CERS3: variants seen among roughly 807,000 people sequenced by gnomAD.
CERS3 encodes the protein LAG1 homolog, ceramide synthase 3.
Under a neutral mutation model 50.3 loss-of-function variants are expected in CERS3, and 33 were observed. The observed-to-expected ratio is 0.66, with a 90% confidence interval of 0.50 to 0.88. CERS3 has a LOEUF of 0.88. CERS3 is among the 40% of genes least tolerant of loss of function. The probability of loss-of-function intolerance (pLI) is 0.00; values close to 1 mark genes in which losing one functional copy is unlikely to be tolerated. For missense variants in CERS3, 470 were observed against 460.3 expected (o/e 1.02, Z -0.19); for synonymous variants, 176 against 155.2 (o/e 1.13, Z -0.99).
chr15:100,476,077 G>C lies in CERS3; in HGVS notation c.609+9C>G. 2 of 1,530,752 alleles carry C rather than the reference G, an allele frequency of 1.3e-6. No individual in the cohort carries two copies. Among genetic ancestry groups the C allele is most frequent in the Non-Finnish European group, 1.8e-6 (2 of 1,140,282 alleles). 94.8% of individuals were successfully genotyped at this position (1,530,752 alleles called of 1,614,324 possible). On this transcript the variant is annotated intron_variant, in intron 8 of 11. Coordinates refer to ENST00000679737, the MANE Select transcript of CERS3 (RefSeq NM_001378789.1). ...ATTGATAAAGAAGCTTTGTAAATAA[G>C]ACACTTACCTTTCTCTTGACATCAA...
chr15:100,470,323 G>A (rs2034924038), intron 9 of CERS3, among the ~76,000 whole-genome samples: 2 of 152,212 alleles, frequency 1.3e-5, no homozygotes, highest in Admixed American at 1.3e-4. Flanking sequence ...CAGAGCAAGA[G>A]AGGCAACACA....
In CERS3 at chr15:100,499,361, C is replaced by CCA. The variant is rs558377540; in HGVS notation, c.173+2314_173+2315dup. 6.1e-4 allele frequency among the ~76,000 whole-genome samples: 93 copies of CCA among 151,796 alleles called. No individual in the cohort carries two copies. The Middle Eastern group carries it at 0.014, about 22-fold the overall frequency. Reference sequence around the variant, plus strand: ...GACAAAATAAAAATCAAAACATTAGCCACACACACACACAAAAACAAAAAA... The same window carrying CCA: ...GACAAAATAAAAATCAAAACATTAGCCACACACACACACACAAAAACAAAAAA... On this transcript the variant is annotated intron_variant, in intron 3 of 11. Coordinates refer to ENST00000679737, the MANE Select transcript of CERS3 (RefSeq NM_001378789.1).
intron 3 of CERS3, among the ~76,000 whole-genome samples, chr15:100,495,958 A>G (rs1193390480): frequency 6.6e-6 from 1 of 151,998 alleles, no homozygotes; most frequent in Non-Finnish European, 1.5e-5. Flanking sequence ...CCAGGCAACC[A>G]CTCATCTATT....
At position 100,484,572 on chromosome 15, in the gene CERS3, G is replaced by A; in HGVS notation, c.385C>T (p.Leu129=). 6.2e-7 allele frequency: 1 copy of A among 1,613,386 alleles called. No individual in the cohort carries two copies. The highest frequency in any genetic ancestry group is 2.2e-5 in the East Asian group (1 of 44,872). The change falls in exon 5 of 12, where the codon CTG becomes TTG. Residue 129 remains leucine (L), a synonymous_variant. Transcript: ENST00000679737. The part of the protein sequence containing the change: ...SRRNQERPSR[L]KKFQEACWRF... ...TACCAAGCTTCCTGGAATTTCTTCA[G>A]CCTGGAAGGCCTCTCTTGATTCCGC...
intron 11 of CERS3, among the ~76,000 whole-genome samples, chr15:100,426,737 A>T (rs2587828): frequency 0.84 from 127,977 of 152,164 alleles, 54,149 homozygotes; most frequent in Middle Eastern, 0.9. Context: ...CAAACTCAAA[A>T]ACTCAATAGC....
chr15:100,528,708 T>TA (rs1355521611), intron 1 of CERS3, 105 bp downstream of exon 1: 2 of 152,440 alleles, frequency 1.3e-5, no homozygotes, highest in Admixed American at 6.5e-5. Context: ...CCCTCTCTGT[T>TA]ACGCACCCAG....
chr15:100,417,407 C>G (rs1196083624), intron 11 of CERS3, among the ~76,000 whole-genome samples: 1 of 152,084 alleles, frequency 6.6e-6, no homozygotes, highest in Non-Finnish European at 1.5e-5. Context: ...GAGATTATAT[C>G]CCACACCTGG....
chr15:100,407,688 A>G (rs2031156253), intron 11 of CERS3, among the ~76,000 whole-genome samples: 3 of 152,228 alleles, frequency 2.0e-5, no homozygotes, highest in African/African-American at 4.8e-5. Context: ...GAATGGTTGT[A>G]TCAGTACTGG....
At chr15:100,405,245 A>C (rs913694138) in intron 11 of CERS3, among the ~76,000 whole-genome samples, 4 of 38,916 alleles carry the variant, frequency 1.0e-4, no homozygotes, top group Admixed American at 7.6e-4. Context: ...AAAAAAAAAA[A>C]AAACAAAAAA....
chr15:100,484,941 T>C (rs1596742545), intron 4 of CERS3, among the ~76,000 whole-genome samples: 2 of 152,196 alleles, frequency 1.3e-5, no homozygotes, highest in African/African-American at 4.8e-5. Context: ...TCAAGTTGCA[T>C]GTGTGAGCTC....
At chr15:100,537,731 G>C (rs1015114658) in intron 1 of CERS3, among the ~76,000 whole-genome samples, 2 of 152,116 alleles carry the variant, frequency 1.3e-5, no homozygotes, top group African/African-American at 2.4e-5. Flanking sequence ...ATTTGGGTGG[G>C]ACAACCAAAC....
At chr15:100,456,344 A>G (rs1379940912) in intron 10 of CERS3, among the ~76,000 whole-genome samples, 1 of 152,244 alleles carries the variant, frequency 6.6e-6, no homozygotes. Context: ...AAAAGCATAC[A>G]CTAACCATTT....
chr15:100,505,160 T>C (rs73473877), intron 2 of CERS3, among the ~76,000 whole-genome samples: 16,623 of 152,202 alleles, frequency 0.11, 1,543 homozygotes, highest in African/African-American at 0.25. Flanking sequence ...AGATAAGGAC[T>C]CAGGGAACAC....
At chr15:100,501,937 TC>T in intron 2 of CERS3, 87 bp from the exon 3 acceptor site, 1 of 1,384,288 alleles carries the variant, frequency 7.2e-7, no homozygotes, top group Non-Finnish European at 1.0e-6. Flanking sequence ...AAATGCCAGA[TC>T]CAGAGAGCTT....
upstream of CERS3, among the ~76,000 whole-genome samples, chr15:100,532,618 T>C (rs2036965177): frequency 6.7e-6 from 1 of 149,388 alleles, no homozygotes. Flanking sequence ...AAAAAAAAAA[T>C]AGCTGGGTAT....
At chr15:100,511,689 G>A (rs77966661) in intron 2 of CERS3, among the ~76,000 whole-genome samples, 2 of 13,706 alleles carry the variant, frequency 1.5e-4, no homozygotes, top group Admixed American at 5.6e-4. Context: ...GAGGAGCATC[G>A]TAAGTCCACT....
At chr15:100,406,673 A>G (rs559332325) in intron 11 of CERS3, among the ~76,000 whole-genome samples, 1 of 151,802 alleles carries the variant, frequency 6.6e-6, no homozygotes, top group Non-Finnish European at 1.5e-5. Context: ...GATCAAAAGC[A>G]CTCCCTCCTA....
At chr15:100,412,451 T>C (rs1462378018) in intron 11 of CERS3, among the ~76,000 whole-genome samples, 1 of 152,240 alleles carries the variant, frequency 6.6e-6, no homozygotes, top group Non-Finnish European at 1.5e-5. Context: ...TCTTGATTAC[T>C]GAAGATTTGT....
At chr15:100,425,517 C>T (rs1226216771) in intron 11 of CERS3, among the ~76,000 whole-genome samples, 2 of 152,290 alleles carry the variant, frequency 1.3e-5, no homozygotes, top group African/African-American at 4.8e-5. Flanking sequence ...GGGCCTGTAG[C>T]CCACTTTGTT....
Sources: gnomAD v4.1 joint callset for allele counts (sites outside exome capture counted in the v4.1 genomes callset) on GRCh38, gnomAD v4.1.1 for gene constraint, MANE v1.5 for transcripts, NCBI Gene and HGNC (gene_info 2026-07-23, HGNC 2026-07-21) for gene names.